The following POLR1H variants were observed in gnomAD, a reference collection of about 807,000 sequenced individuals.
POLR1H encodes DNA-directed RNA polymerase I subunit RPA12.
A neutral mutation model predicts 15.8 loss-of-function variants in POLR1H; 5 were observed. The ratio of observed to expected loss-of-function variants is 0.32; its 90% CI spans 0.17 to 0.67. POLR1H has a LOEUF of 0.67. Ranked by LOEUF, POLR1H falls within the 30% of genes least tolerant of loss-of-function variation. POLR1H has a pLI of 0.74. For missense variants in POLR1H, 100 were observed against 163.4 expected, an observed-to-expected ratio of 0.61 and a Z score of 2.11; for synonymous variants, 43 against 58.3, an observed-to-expected ratio of 0.74 and a Z score of 1.20.
In POLR1H at chr6:30,061,792, C is replaced by T; in HGVS notation, c.145+123C>T. On this transcript the variant is annotated intron_variant, in intron 1 of 3. Transcript: ENST00000332435. This position sits in a 1 kb window ranked among gnomAD's most constrained non-coding sequence, Gnocchi z 5.0. ...GACATCAGGCGGTTGTACATTTGGT[C>T]TAGCGATGAAAACTGAGGGAAAGGA... 1 of 1,558,788 alleles carries T rather than the reference C, an allele frequency of 6.4e-7. No individual in the cohort carries two copies. The highest frequency in any genetic ancestry group is 1.2e-5 in the South Asian group (1 of 85,904).
At position 30,063,125 on chromosome 6, in the gene POLR1H, T is replaced by C. The variant is rs1352992352; in HGVS notation, c.356+792T>C. Among the ~76,000 whole-genome samples the C allele has an allele frequency of 1.3e-5, 2 of 152,022 alleles. No homozygotes were observed. Among genetic ancestry groups the C allele is most frequent in the Non-Finnish European group, 2.9e-5 (2 of 67,984 alleles). ...TTTCTTTTATTCTGTTTGGGATTTG[T>C]TGGACTTTCTGAAACTGAGAGTGGA... On this transcript the variant is annotated intron_variant, in intron 3 of 3. Coordinates refer to ENST00000332435, the MANE Select transcript of POLR1H (RefSeq NM_170783.4). This position sits in a 1 kb window ranked among gnomAD's most constrained non-coding sequence, Gnocchi z 4.1.
upstream of POLR1H, chr6:30,060,478 G>C (rs1172480435): frequency 1.3e-5 from 2 of 152,190 alleles, no homozygotes; most frequent in Non-Finnish European, 2.9e-5. Flanking sequence ...GAGTTCGATA[G>C]GCGGCAGGCA....
chr6:30,064,803 C>A lies in POLR1H; in HGVS notation c.*106C>A. On this transcript the variant is annotated 3_prime_UTR_variant, in exon 4 of 4. Transcript: ENST00000332435. ...CTGTCTGGTTGCAATGTTTTGCTCC[C>A]AGAAGAGAATCAGATCATCATGTGG... The A allele has an allele frequency of 2.0e-6, 2 of 986,358 alleles. No individual in the cohort carries two copies. Among genetic ancestry groups the A allele is most frequent in the Non-Finnish European group, 3.1e-6 (2 of 651,752 alleles). The allele number at this position is 986,358 out of a possible 1,614,324, so 61.1% of individuals were successfully genotyped here.
chr6:30,061,492 T>G lies in POLR1H; in HGVS notation c.-33T>G, dbSNP rs1326715320. The G allele has an allele frequency of 1.2e-6, 2 of 1,609,946 alleles. No homozygotes were observed. The highest frequency in any genetic ancestry group is 4.5e-5 in the East Asian group (2 of 44,810). On this transcript the variant is annotated 5_prime_UTR_variant, in exon 1 of 4. Coordinates refer to ENST00000332435, the MANE Select transcript of POLR1H (RefSeq NM_170783.4). The surrounding 1 kb of genome is among the most constrained non-coding windows in gnomAD (Gnocchi z 5.0). ...CAGGAACTCTTCTCTCTTTTGTTAA[T>G]AAACTTCCAACTCCCTCCTCAGACC...
chr6:30,062,333 A>ACAG lies in POLR1H; in HGVS notation c.356_356+1insCAG (p.Lys119delinsAsnArg). On this transcript the variant is annotated protein_altering_variant and splice_region_variant. Coordinates refer to ENST00000332435, the MANE Select transcript of POLR1H (RefSeq NM_170783.4). ...GTCTTCTACACCTGTACCAACTGCA[A>ACAG]GTGAGTATTCTTTCCCCTCCCTCTG... The ACAG allele has an allele frequency of 6.2e-7, 1 of 1,602,490 alleles. No individual in the cohort carries two copies. Among genetic ancestry groups the ACAG allele is most frequent in the Non-Finnish European group, 8.5e-7 (1 of 1,170,408 alleles).
rs1332543043 is a variant in POLR1H, at chr6:30,063,672, T to C, written c.357-1001T>C. ...TTCTTTGTTTTGTGATTTTTGACTA[T>C]AAATTCGAGTTTTTTAGAACTTGAA... On this transcript the variant is annotated intron_variant, in intron 3 of 3. Transcript: ENST00000332435. The surrounding 1 kb of genome is among the most constrained non-coding windows in gnomAD (Gnocchi z 4.1). Among the ~76,000 whole-genome samples the C allele has an allele frequency of 6.6e-6, 1 of 152,222 alleles. No homozygotes were observed. Among genetic ancestry groups the C allele is most frequent in the African/African-American group, 2.4e-5 (1 of 41,472 alleles).
Position 30,061,824 on chromosome 6 carries a change from G to A in POLR1H, c.146-93G>A. 6.5e-7 allele frequency: 1 copy of A among 1,541,720 alleles called. No homozygotes were observed. The highest frequency in any genetic ancestry group is 8.9e-7 in the Non-Finnish European group (1 of 1,123,768). On this transcript the variant is annotated intron_variant, in intron 1 of 3. Coordinates refer to ENST00000332435, the MANE Select transcript of POLR1H (RefSeq NM_170783.4). The surrounding 1 kb of genome is among the most constrained non-coding windows in gnomAD (Gnocchi z 5.0). ...TGAAAACTGAGGGAAAGGATGTAGGGCCTCCTGGCCTAACCAGCCAGGGGA... is the reference window on the plus strand; with the variant it reads ...TGAAAACTGAGGGAAAGGATGTAGGACCTCCTGGCCTAACCAGCCAGGGGA...
Position 30,061,441 on chromosome 6 carries a change from G to A in POLR1H, c.-84G>A. ...TCGGGTTATATACTCCTAGGTCCTGGGACAGAATAGTTACGACCTCTGGGA... is the reference window on the plus strand; with the variant it reads ...TCGGGTTATATACTCCTAGGTCCTGAGACAGAATAGTTACGACCTCTGGGA... On this transcript the variant is annotated 5_prime_UTR_variant, in exon 1 of 4. Transcript: ENST00000332435. This position sits in a 1 kb window ranked among gnomAD's most constrained non-coding sequence, Gnocchi z 5.0. 3 of 1,519,138 alleles carry A rather than the reference G, an allele frequency of 2.0e-6. No individual in the cohort carries two copies. Among genetic ancestry groups the A allele is most frequent in the South Asian group, 1.2e-5 (1 of 82,778 alleles). The allele number at this position is 1,519,138 out of a possible 1,614,324, so 94.1% of individuals were successfully genotyped here.
chr6:30,062,127 A>G (rs1765128827), intron 2 of POLR1H, 97 bp from the exon 3 acceptor site: 1 of 1,443,920 alleles, frequency 6.9e-7, no homozygotes, highest in South Asian at 1.1e-5. Flanking sequence ...GGGAAAAGAG[A>G]TGTAAACCAT....
rs1765279219 is a variant in POLR1H, at chr6:30,063,513, T to G, written c.357-1160T>G. 6.6e-6 allele frequency among the ~76,000 whole-genome samples: 1 copy of G among 151,210 alleles called. No individual in the cohort carries two copies. Among genetic ancestry groups the G allele is most frequent in the South Asian group, 2.1e-4 (1 of 4,836 alleles). On this transcript the variant is annotated intron_variant, in intron 3 of 3. Coordinates refer to ENST00000332435, the MANE Select transcript of POLR1H (RefSeq NM_170783.4). This position sits in a 1 kb window ranked among gnomAD's most constrained non-coding sequence, Gnocchi z 4.1. ...ATCATATTTTAAATTGTTCCTTTTA[T>G]TATTCTTTAAATATATATTTAAAAT...
In POLR1H at chr6:30,061,830, T is replaced by C; in HGVS notation, c.146-87T>C. 2 of 1,561,452 alleles carry C rather than the reference T, an allele frequency of 1.3e-6. No homozygotes were observed. The highest frequency in any genetic ancestry group is 1.1e-5 in the South Asian group (1 of 88,074). Reference sequence around the variant, plus strand: ...CTGAGGGAAAGGATGTAGGGCCTCCTGGCCTAACCAGCCAGGGGAAAGGGG... The same window carrying C: ...CTGAGGGAAAGGATGTAGGGCCTCCCGGCCTAACCAGCCAGGGGAAAGGGG... On this transcript the variant is annotated intron_variant, in intron 1 of 3. Coordinates refer to ENST00000332435, the MANE Select transcript of POLR1H (RefSeq NM_170783.4). This position sits in a 1 kb window ranked among gnomAD's most constrained non-coding sequence, Gnocchi z 5.0.
chr6:30,062,174 G>A, intron 2 of POLR1H, 50 bp from the exon 3 acceptor site: 1 of 1,507,706 alleles, frequency 6.6e-7, no homozygotes, highest in East Asian at 2.3e-5. Flanking sequence ...ATTCCTGTGG[G>A]AAGTAAGGGG....
At position 30,061,369 on chromosome 6, in the gene POLR1H, T is replaced by G; in HGVS notation, c.-156T>G. The G allele has an allele frequency of 1.3e-6, 1 of 785,092 alleles. No homozygotes were observed. The allele number at this position is 785,092 out of a possible 1,614,324, so 48.6% of individuals were successfully genotyped here. On this transcript the variant is annotated 5_prime_UTR_variant, in exon 1 of 4. Transcript: ENST00000332435. This position sits in a 1 kb window ranked among gnomAD's most constrained non-coding sequence, Gnocchi z 5.0. The stretch of plus-strand genomic sequence containing the variant: ...GACGCTGTCTGGGAATTCCGGGCGT[T>G]TCGGCTCCTTGGTCGCAGAGGCAGG...
At chr6:30,064,588 C>A in intron 3 of POLR1H, 85 bp from the exon 4 acceptor site, 1 of 1,291,364 alleles carries the variant, frequency 7.7e-7, no homozygotes, top group Non-Finnish European at 1.1e-6. Flanking sequence ...AAAGTCCTTC[C>A]TTGATTATTT....
At position 30,063,843 on chromosome 6, in the gene POLR1H, A is replaced by G. The variant is rs2127295888; in HGVS notation, c.357-830A>G. The stretch of plus-strand genomic sequence containing the variant: ...TTTTTGGAGCAGACAGATAGTATGA[A>G]TTTGAGCTGCAAATCCATGTAAGGG... On this transcript the variant is annotated intron_variant, in intron 3 of 3. Transcript: ENST00000332435. The surrounding 1 kb of genome is among the most constrained non-coding windows in gnomAD (Gnocchi z 4.1). 6.6e-6 allele frequency among the ~76,000 whole-genome samples: 1 copy of G among 152,350 alleles called. No homozygotes were observed. The highest frequency in any genetic ancestry group is 2.4e-5 in the African/African-American group (1 of 41,576).
Position 30,064,735 on chromosome 6 carries a change from T to C in POLR1H, c.*38T>C. 1 of 1,598,632 alleles carries C rather than the reference T, an allele frequency of 6.3e-7. No homozygotes were observed. The highest frequency in any genetic ancestry group is 8.5e-7 in the Non-Finnish European group (1 of 1,171,658). ...GCAACTCTACAGTCCCTCCCTCCTT[T>C]CGGAAGGTGAAGGATACTGGGTTTT... On this transcript the variant is annotated 3_prime_UTR_variant, in exon 4 of 4. Transcript: ENST00000332435.
At chr6:30,061,004 T>C (rs1378360457), upstream of POLR1H, 1 of 152,654 alleles carries the variant, frequency 6.6e-6, no homozygotes, top group Non-Finnish European at 1.5e-5. The surrounding 1 kb of genome is among the most constrained non-coding windows in gnomAD (Gnocchi z 5.0). Flanking sequence ...TCCTGTAGGA[T>C]GTGAGACAAA....
upstream of POLR1H, chr6:30,060,714 T>C (rs1421626679): frequency 6.6e-6 from 1 of 152,194 alleles, no homozygotes; most frequent in Non-Finnish European, 1.5e-5. Flanking sequence ...CTCTCACCAC[T>C]TGCTGTCCCT....
chr6:30,064,551 A>G (rs1765358205), intron 3 of POLR1H, 122 bp from the exon 4 acceptor site: 1 of 768,694 alleles, frequency 1.3e-6, no homozygotes, highest in Non-Finnish European at 2.0e-6. Flanking sequence ...TGTTTAGGGG[A>G]GCCAGTCCTC....
Sources: gnomAD v4.1 joint callset for allele counts (sites outside exome capture counted in the v4.1 genomes callset) on GRCh38, gnomAD v4.1.1 for gene constraint, Gnocchi (gnomAD v3.1) non-coding constraint, MANE v1.5 for transcripts, NCBI Gene and HGNC (gene_info 2026-07-23, HGNC 2026-07-21) for gene names.